The following MINAR2 variants were observed in gnomAD, a reference collection of about 807,000 sequenced individuals.
MINAR2 encodes major intrinsically disordered NOTCH2-binding receptor 1-like.
In MINAR2, 21 loss-of-function variants were observed where a neutral mutation model predicts 16.1. The observed-to-expected ratio is 1.31, with a 90% CI of 0.93 to 1.88. MINAR2 has a LOEUF of 1.88. Ranked by LOEUF, MINAR2 falls within the 40% of genes most tolerant of loss-of-function variation. The probability of loss-of-function intolerance (pLI) is 0.00; values close to 1 mark genes in which losing one functional copy is unlikely to be tolerated. For missense variants in MINAR2, 259 were observed against 229.8 expected (o/e 1.13, Z -0.82); for synonymous variants, 86 against 83.0 (o/e 1.04, Z -0.20).
intron 2 of MINAR2, among the ~76,000 whole-genome samples, chr5:129,761,562 G>A (rs1267152648): frequency 6.6e-6 from 1 of 152,074 alleles, no homozygotes; most frequent in East Asian, 1.9e-4. Context: ...TAGATTGAAT[G>A]TATCTCCTCC....
chr5:129,757,721 T>C (rs1758073333), intron 1 of MINAR2, among the ~76,000 whole-genome samples: 4 of 151,938 alleles, frequency 2.6e-5, no homozygotes, highest in Admixed American at 2.6e-4. Flanking sequence ...TAAAATTTTC[T>C]AATAAAAAAT....
At chr5:129,748,557 A>G (rs1245824139) in intron 1 of MINAR2, among the ~76,000 whole-genome samples, 1 of 152,154 alleles carries the variant, frequency 6.6e-6, no homozygotes, top group African/African-American at 2.4e-5. Flanking sequence ...TCTCTCATTC[A>G]TTAATTCCCC....
intron 1 of MINAR2, among the ~76,000 whole-genome samples, chr5:129,754,612 A>G (rs1424379035): frequency 6.6e-6 from 1 of 152,142 alleles, no homozygotes; most frequent in Non-Finnish European, 1.5e-5. Context: ...AAACTATTCC[A>G]TATAATTTGT....
At chr5:129,755,927 C>T (rs1043861883) in intron 1 of MINAR2, among the ~76,000 whole-genome samples, 3 of 151,870 alleles carry the variant, frequency 2.0e-5, no homozygotes, top group African/African-American at 7.3e-5. Flanking sequence ...TTTTCTCATT[C>T]TGCTTTATAA....
At chr5:129,762,446 C>T in intron 2 of MINAR2, 1 of 235,388 alleles carries the variant, frequency 4.2e-6, no homozygotes, top group Non-Finnish European at 9.6e-6. Context: ...TATAAAAGCC[C>T]AAATTAGGAT....
At chr5:129,748,880 C>T (rs570438231) in intron 1 of MINAR2, among the ~76,000 whole-genome samples, 35 of 152,244 alleles carry the variant, frequency 2.3e-4, no homozygotes, top group East Asian at 1.9e-4. Context: ...AAAAATACAG[C>T]GAACTCGCCA....
intron 1 of MINAR2, among the ~76,000 whole-genome samples, chr5:129,754,773 AAAC>A (rs1177807772): frequency 1.3e-5 from 2 of 152,180 alleles, no homozygotes; most frequent in African/African-American, 4.8e-5. Context: ...TTTTGCCCAT[AAAC>A]ATCCCTGTAG....
chr5:129,756,104 T>C (rs1026795205), intron 1 of MINAR2, among the ~76,000 whole-genome samples: 2 of 152,060 alleles, frequency 1.3e-5, no homozygotes, highest in African/African-American at 4.8e-5. Flanking sequence ...TTATTTTATG[T>C]TGTTGATAAT....
intron 2 of MINAR2, among the ~76,000 whole-genome samples, chr5:129,761,613 G>A (rs986444974): frequency 5.3e-5 from 8 of 151,960 alleles, no homozygotes; most frequent in African/African-American, 1.9e-4. Flanking sequence ...CATAACAGAT[G>A]CTCTCCACAG....
At chr5:129,748,868 GA>G (rs1472930195) in intron 1 of MINAR2, among the ~76,000 whole-genome samples, 1 of 152,074 alleles carries the variant, frequency 6.6e-6, no homozygotes, top group Non-Finnish European at 1.5e-5. Context: ...TTATTGAAGG[GA>G]AAAAATACAG....
Position 129,766,113 on chromosome 5 carries a change from G to A in MINAR2, c.*1050G>A, listed in dbSNP as rs1244164435. The A allele has an allele frequency of 1.3e-5, 2 of 152,232 alleles. No individual in the cohort carries two copies. The highest frequency in any genetic ancestry group is 2.9e-5 in the Non-Finnish European group (2 of 68,052). The allele number at this position is 152,232 out of a possible 1,614,324, so 9.4% of individuals were successfully genotyped here. ...ACCTGGGGACATGGTTGTAGACACA[G>A]ATGGGGAATCAAGTCACCATCCTGC... On this transcript the variant is annotated 3_prime_UTR_variant, in exon 3 of 3. Coordinates refer to ENST00000564719, the MANE Select transcript of MINAR2 (RefSeq NM_001257308.2).
intron 1 of MINAR2, among the ~76,000 whole-genome samples, chr5:129,752,579 A>G (rs10035489): frequency 0.18 from 27,260 of 151,952 alleles, 2,679 homozygotes; most frequent in East Asian, 0.3. Flanking sequence ...TCCGGGGTTT[A>G]ATGGCAAGGG....
In MINAR2 at chr5:129,748,195, A is replaced by T; in HGVS notation, c.5A>T (p.Asp2Val). Residue 2 changes from aspartate to valine, a missense_variant, in exon 1 of 3, where the codon GAT becomes GTT. Asp to Val is a radical substitution (Grantham distance 152). Transcript: ENST00000564719. M[D>V]LSVLPNNNHP... ...CCACTGTAGGTGAAGGGAGACATGG[A>T]TCTCTCTGTTTTGCCAAATAACAAC... The T allele has an allele frequency of 6.5e-7, 1 of 1,534,888 alleles. No homozygotes were observed. Among genetic ancestry groups the T allele is most frequent in the South Asian group, 1.2e-5 (1 of 84,010 alleles).
In MINAR2 at chr5:129,766,481, C is replaced by G. The variant is rs1378529819; in HGVS notation, c.*1418C>G. 6.6e-6 allele frequency: 1 copy of G among 151,954 alleles called. No homozygotes were observed. The highest frequency in any genetic ancestry group is 6.6e-5 in the Admixed American group (1 of 15,252). 9.4% of individuals were successfully genotyped at this position (151,954 alleles called of 1,614,324 possible). On this transcript the variant is annotated 3_prime_UTR_variant, in exon 3 of 3. Coordinates refer to ENST00000564719, the MANE Select transcript of MINAR2 (RefSeq NM_001257308.2). Reference sequence around the variant, plus strand: ...TGAAACCCCGTCTCTATTAAAAATACAAAAATTAGCCGGGGCTTGGTGGCA... The same window carrying G: ...TGAAACCCCGTCTCTATTAAAAATAGAAAAATTAGCCGGGGCTTGGTGGCA...
At position 129,765,224 on chromosome 5, in the gene MINAR2, T is replaced by A; in HGVS notation, c.*161T>A. On this transcript the variant is annotated 3_prime_UTR_variant, in exon 3 of 3. Coordinates refer to ENST00000564719, the MANE Select transcript of MINAR2 (RefSeq NM_001257308.2). ...GTAATTGTCCTGAAGAATGTGAATG[T>A]CAGGCGTGGTATGCTGGCTTCTCCA... The A allele has an allele frequency of 2.3e-6, 1 of 434,300 alleles. No individual in the cohort carries two copies. Among genetic ancestry groups the A allele is most frequent in the Non-Finnish European group, 3.9e-6 (1 of 259,500 alleles). 26.9% of individuals were successfully genotyped at this position (434,300 alleles called of 1,614,324 possible).
At chr5:129,749,893 G>A (rs1354469959) in intron 1 of MINAR2, among the ~76,000 whole-genome samples, 1 of 152,132 alleles carries the variant, frequency 6.6e-6, no homozygotes, top group African/African-American at 2.4e-5. Flanking sequence ...CCCATTGGGT[G>A]GAAATAGTTA....
At chr5:129,764,453 C>A (rs908374554) in intron 2 of MINAR2, among the ~76,000 whole-genome samples, 2 of 152,124 alleles carry the variant, frequency 1.3e-5, no homozygotes, top group African/African-American at 4.8e-5. Flanking sequence ...CAAAATCAAA[C>A]CTCAAAGGTT....
In MINAR2 at chr5:129,765,260, T is replaced by G. The variant is rs1363472; in HGVS notation, c.*197T>G. On this transcript the variant is annotated 3_prime_UTR_variant, in exon 3 of 3. Coordinates refer to ENST00000564719, the MANE Select transcript of MINAR2 (RefSeq NM_001257308.2). Reference sequence around the variant, plus strand: ...ATGCTGGCTTCTCCACTTTGTTCTATAAAAGCTTTCTAAGAGTGCCACCCT... The same window carrying G: ...ATGCTGGCTTCTCCACTTTGTTCTAGAAAAGCTTTCTAAGAGTGCCACCCT... 3 of 393,622 alleles carry G rather than the reference T, an allele frequency of 7.6e-6. No individual in the cohort carries two copies. The highest frequency in any genetic ancestry group is 1.3e-5 in the Non-Finnish European group (3 of 225,878). 24.4% of individuals were successfully genotyped at this position (393,622 alleles called of 1,614,324 possible). A position where few individuals can be genotyped will look rare whatever the true frequency, so the allele number is the denominator to read the frequency against.
In MINAR2 at chr5:129,760,491, C is replaced by G. The variant is rs751728706; in HGVS notation, c.279C>G (p.Leu93=). Reference sequence around the variant, plus strand: ...CATCAGTTATGAAGAATAACCCACTCTATGGTGACCTAAGTTTGGAGGAAG... The same window carrying G: ...CATCAGTTATGAAGAATAACCCACTGTATGGTGACCTAAGTTTGGAGGAAG... The part of the protein sequence containing the change: ...SMSSVMKNNP[L]YGDLSLEEAM... Residue 93 remains leucine, a synonymous_variant, in exon 2 of 3, where the codon CTC becomes CTG. Coordinates refer to ENST00000564719, the MANE Select transcript of MINAR2 (RefSeq NM_001257308.2). 4 of 1,535,728 alleles carry G rather than the reference C, an allele frequency of 2.6e-6. No homozygotes were observed. Among genetic ancestry groups the G allele is most frequent in the Middle Eastern group, 1.7e-4 (1 of 5,986 alleles).
Sources: gnomAD v4.1 joint callset for allele counts (sites outside exome capture counted in the v4.1 genomes callset) on GRCh38, gnomAD v4.1.1 for gene constraint, MANE v1.5 for transcripts, NCBI Gene and HGNC (gene_info 2026-07-23, HGNC 2026-07-21) for gene names.